Variants in SGCG observed in about 807,000 individuals in gnomAD.
The protein encoded by SGCG is sarcoglycan gamma.
A neutral mutation model predicts 29.3 loss-of-function variants in SGCG; 26 were observed. The observed-to-expected ratio is 0.89, with a 90% CI of 0.65 to 1.23. The LOEUF (loss-of-function observed/expected upper bound fraction) is 1.23, where lower values mean the gene tolerates loss of function less well. SGCG is among the 50% of genes most tolerant of loss of function. SGCG has a pLI of 0.00. For synonymous variants in SGCG, 145 were observed against 129.7 expected (o/e 1.12, Z -0.80); for missense variants, 353 against 356.0 (o/e 0.99, Z 0.07).
At chr13:23,315,491 G>A (rs1247738252) in intron 6 of SGCG, among the ~76,000 whole-genome samples, 2 of 152,170 alleles carry the variant, frequency 1.3e-5, no homozygotes, top group Non-Finnish European at 2.9e-5. Context: ...GCCTCATGGG[G>A]AGTTCCCTAT....
upstream of SGCG, among the ~76,000 whole-genome samples, chr13:23,176,312 G>A (rs1876553788): frequency 6.6e-6 from 1 of 152,122 alleles, no homozygotes; most frequent in Admixed American, 6.6e-5. Flanking sequence ...TTATGGTCTG[G>A]TAGAGAGGAC....
intron 6 of SGCG, among the ~76,000 whole-genome samples, chr13:23,302,233 C>G (rs1479901198): frequency 6.6e-6 from 1 of 151,410 alleles, no homozygotes; most frequent in Non-Finnish European, 1.5e-5. Context: ...TCATTGATCA[C>G]TCTATCCTAT....
intron 4 of SGCG, among the ~76,000 whole-genome samples, chr13:23,265,747 A>G (rs1403369080): frequency 6.6e-6 from 1 of 152,180 alleles, no homozygotes; most frequent in Non-Finnish European, 1.5e-5. Flanking sequence ...CGGAATGGCC[A>G]TTATGAAAAA....
At chr13:23,237,676 A>C (rs942453374) in intron 3 of SGCG, among the ~76,000 whole-genome samples, 3 of 152,178 alleles carry the variant, frequency 2.0e-5, no homozygotes, top group Non-Finnish European at 4.4e-5. Context: ...AAAGACTGGG[A>C]GGCCCTGTGG....
chr13:23,304,710 T>G (rs1882299003), intron 6 of SGCG, among the ~76,000 whole-genome samples: 1 of 152,112 alleles, frequency 6.6e-6, no homozygotes. Context: ...TTCAAGCGAT[T>G]CTCCTGCCTC....
At chr13:23,302,406 T>G (rs932417021) in intron 6 of SGCG, among the ~76,000 whole-genome samples, 4 of 152,092 alleles carry the variant, frequency 2.6e-5, no homozygotes, top group Non-Finnish European at 4.4e-5. Flanking sequence ...CACTAGAACT[T>G]ATTCTTCCTA....
intron 6 of SGCG, among the ~76,000 whole-genome samples, chr13:23,308,812 C>T (rs530238604): frequency 2.0e-5 from 3 of 152,298 alleles, no homozygotes; most frequent in Non-Finnish European, 2.9e-5. Flanking sequence ...GATTCACTCA[C>T]GTTGGCCTCC....
At position 23,288,060 on chromosome 13, in the gene SGCG, A is replaced by C. The variant is rs1041617414; in HGVS notation, c.506-7355A>C. Reference sequence around the variant, plus strand: ...GAGCCACTGCGCCCAGCCAATAAGAATGTTTTTATAAGCTTTAATGCTTCC... The same window carrying C: ...GAGCCACTGCGCCCAGCCAATAAGACTGTTTTTATAAGCTTTAATGCTTCC... On this transcript the variant is annotated intron_variant, in intron 5 of 7. Coordinates refer to ENST00000218867, the MANE Select transcript of SGCG (RefSeq NM_000231.3). Among the ~76,000 whole-genome samples the C allele has an allele frequency of 3.9e-5, 6 of 152,260 alleles. 1 individual carries two copies. The highest frequency in any genetic ancestry group is 3.4e-3 in the Middle Eastern group (1 of 294).
In SGCG at chr13:23,284,997, G is replaced by C. The variant is rs114650803; in HGVS notation, c.505+5519G>C. On this transcript the variant is annotated intron_variant, in intron 5 of 7. Transcript: ENST00000218867. ...CCTCTGGAAGTTTCGTCCCAGAGGG[G>C]AACCTGCCAGATGCCAGGCGGAGCT... Among the ~76,000 whole-genome samples, 1,202 of 152,320 alleles carry C rather than the reference G, an allele frequency of 7.9e-3. 18 individuals are homozygous for C. The highest frequency in any genetic ancestry group is 0.027 in the African/African-American group (1,112 of 41,554).
the SGCG span, among the ~76,000 whole-genome samples, chr13:23,166,834 A>G: frequency 6.6e-6 from 1 of 152,236 alleles, no homozygotes; most frequent in African/African-American, 2.4e-5. Context: ...ATATTTTGAT[A>G]CAGGCATGCC....
At chr13:23,234,836 G>A (rs1054922893) in intron 3 of SGCG, 124 bp downstream of exon 3, 12 of 690,812 alleles carry the variant, frequency 1.7e-5, no homozygotes. Flanking sequence ...TTCATGATAT[G>A]CTCTTTATAA....
rs2137545059 is a variant in SGCG, at chr13:23,234,630, G to T, written c.215G>T (p.Cys72Phe). 6.2e-7 allele frequency: 1 copy of T among 1,611,428 alleles called. No individual in the cohort carries two copies. Among genetic ancestry groups the T allele is most frequent in the Non-Finnish European group, 8.5e-7 (1 of 1,178,070 alleles). The change falls in exon 3 of 8, where the codon TGT becomes TTT. Residue 72 changes from cysteine to phenylalanine, a missense_variant. Coordinates refer to ENST00000218867, the MANE Select transcript of SGCG (RefSeq NM_000231.3). ...TAACAGGCAGGAATGGGCCACTTGT[G>T]TGTAACAAAAGATGGACTGCGCTTG... ...WFSPAGMGHL[C>F]VTKDGLRLEG... is the part of the protein sequence containing the mutation.
intron 2 of SGCG, among the ~76,000 whole-genome samples, chr13:23,210,840 T>TA (rs1462555862): frequency 6.6e-6 from 1 of 152,178 alleles, no homozygotes; most frequent in African/African-American, 2.4e-5. Context: ...TCCTAGCAGA[T>TA]ATCAGGATCC....
At chr13:23,202,003 A>C (rs2137498526) in intron 1 of SGCG, among the ~76,000 whole-genome samples, 1 of 152,328 alleles carries the variant, frequency 6.6e-6, no homozygotes, top group East Asian at 1.9e-4. Context: ...AGGAGATGGC[A>C]TGTGTGCTGC....
chr13:23,162,326 G>C, the SGCG span, among the ~76,000 whole-genome samples: 1 of 152,264 alleles, frequency 6.6e-6, no homozygotes, highest in Non-Finnish European at 1.5e-5. Flanking sequence ...GCTTAAGACT[G>C]TATCCTGGGC....
chr13:23,309,248 CGAGAGA>C (rs201756388), intron 6 of SGCG, among the ~76,000 whole-genome samples: 2 of 149,350 alleles, frequency 1.3e-5, no homozygotes. Context: ...ATACATATGC[CGAGAGA>C]GAGAGAGAGA....
the SGCG span, among the ~76,000 whole-genome samples, chr13:23,167,379 T>C: frequency 6.6e-6 from 1 of 152,216 alleles, no homozygotes; most frequent in South Asian, 2.1e-4. Flanking sequence ...GGAGTGCAGA[T>C]ACCTCTTCAA....
intron 6 of SGCG, among the ~76,000 whole-genome samples, chr13:23,310,338 G>A (rs889269330): frequency 1.4e-4 from 22 of 151,892 alleles, no homozygotes; most frequent in Non-Finnish European, 2.6e-4. Flanking sequence ...TGCCCGCCTC[G>A]GCCTCCCAAA....
chr13:23,294,347 TA>T (rs765922200), intron 5 of SGCG, among the ~76,000 whole-genome samples: 4 of 152,230 alleles, frequency 2.6e-5, no homozygotes, highest in Non-Finnish European at 4.4e-5. Flanking sequence ...ATGTGAAAGA[TA>T]CGTTTGTATT....
Sources: gnomAD v4.1 joint callset for allele counts (sites outside exome capture counted in the v4.1 genomes callset) on GRCh38, gnomAD v4.1.1 for gene constraint, MANE v1.5 for transcripts, NCBI Gene and HGNC (gene_info 2026-07-23, HGNC 2026-07-21) for gene names.